The following AK7 variants were observed in gnomAD, a reference collection of about 807,000 sequenced individuals.
AK7 encodes ATP-AMP transphosphorylase 7.
In AK7, 78 loss-of-function variants were observed where a neutral mutation model predicts 96.6. The observed-to-expected ratio is 0.81, with a 90% confidence interval of 0.67 to 0.97. The LOEUF is 0.97. Among genes scored for constraint, AK7 ranks in the 50% least tolerant of loss-of-function variants. AK7 has a pLI of 0.00. For missense variants in AK7, 855 were observed against 887.9 expected (o/e 0.96, Z 0.47); for synonymous variants, 302 against 317.2 (o/e 0.95, Z 0.51).
At chr14:96,406,467 T>C (rs1344125938) in intron 3 of AK7, among the ~76,000 whole-genome samples, 4 of 152,200 alleles carry the variant, frequency 2.6e-5, no homozygotes, top group Non-Finnish European at 4.4e-5. Context: ...AAATTTTCCT[T>C]TTCTATTTAG....
In AK7 at chr14:96,398,273, G is replaced by C. The variant is rs769109512; in HGVS notation, c.294+10G>C. On this transcript the variant is annotated intron_variant, in intron 2 of 17. Coordinates refer to ENST00000267584, the MANE Select transcript of AK7 (RefSeq NM_152327.5). ...GGTGGAGACGTACTCTGTAAGTCCCGGAGGCTCTGGCCAGGAGTAGACAGA... is the reference window on the plus strand; with the variant it reads ...GGTGGAGACGTACTCTGTAAGTCCCCGAGGCTCTGGCCAGGAGTAGACAGA... The C allele has an allele frequency of 6.2e-7, 1 of 1,612,010 alleles. No individual in the cohort carries two copies. Among genetic ancestry groups the C allele is most frequent in the Non-Finnish European group, 8.5e-7 (1 of 1,179,796 alleles).
intron 5 of AK7, among the ~76,000 whole-genome samples, chr14:96,425,425 T>C (rs935610567): frequency 2.6e-5 from 4 of 151,824 alleles, no homozygotes; most frequent in African/African-American, 7.3e-5. Flanking sequence ...GTTGCCAAAA[T>C]AGTCCTGAAT....
chr14:96,464,048 T>C (rs900590301), intron 12 of AK7, among the ~76,000 whole-genome samples: 3 of 151,976 alleles, frequency 2.0e-5, no homozygotes, highest in Non-Finnish European at 4.4e-5. Flanking sequence ...AGGAAAAAAT[T>C]GAGGGTGAGC....
chr14:96,415,124 A>G (rs1004070449), intron 4 of AK7, among the ~76,000 whole-genome samples: 2 of 151,948 alleles, frequency 1.3e-5, no homozygotes, highest in Non-Finnish European at 2.9e-5. Flanking sequence ...AGCAAAGGCC[A>G]TGGGGAAGGG....
chr14:96,473,103 T>C (rs1014091092), intron 14 of AK7, among the ~76,000 whole-genome samples: 2 of 151,564 alleles, frequency 1.3e-5, no homozygotes, highest in African/African-American at 4.8e-5. Flanking sequence ...TGCTGTCTGA[T>C]ATCTCTCTCT....
At chr14:96,481,347 A>G (rs887391042) in intron 15 of AK7, among the ~76,000 whole-genome samples, 1 of 151,916 alleles carries the variant, frequency 6.6e-6, no homozygotes. Context: ...TTATTTATTT[A>G]TTTTATTTAT....
At chr14:96,407,868 C>T (rs1326059563) in intron 3 of AK7, among the ~76,000 whole-genome samples, 2 of 152,078 alleles carry the variant, frequency 1.3e-5, no homozygotes, top group East Asian at 3.9e-4. Flanking sequence ...CTTGAGCCAC[C>T]ACGCCCGGCC....
rs114948078 is a variant in AK7 at position 96,456,692 on chromosome 14, C to T, written c.1227+217C>T. On this transcript the variant is annotated intron_variant, in intron 11 of 17. Coordinates refer to ENST00000267584, the MANE Select transcript of AK7 (RefSeq NM_152327.5). ...AGAGTGTTGACCTTGGCCACACTGGCGTCAGAGAGCTTCTTCACAGCCTGT... is the reference window on the plus strand; with the variant it reads ...AGAGTGTTGACCTTGGCCACACTGGTGTCAGAGAGCTTCTTCACAGCCTGT... The T allele has an allele frequency of 8.1e-3, 3,181 of 394,154 alleles. 90 individuals are homozygous for T. Among genetic ancestry groups the T allele is most frequent in the African/African-American group, 0.058 (2,808 of 48,676 alleles). 24.4% of individuals were successfully genotyped at this position (394,154 alleles called of 1,614,324 possible).
chr14:96,450,125 A>C (rs1221798656), intron 9 of AK7, among the ~76,000 whole-genome samples: 1 of 152,026 alleles, frequency 6.6e-6, no homozygotes, highest in Non-Finnish European at 1.5e-5. Flanking sequence ...CTGGTCAGAA[A>C]ATGTATTTGG....
intron 2 of AK7, among the ~76,000 whole-genome samples, chr14:96,400,212 G>A (rs2139984842): frequency 1.3e-5 from 2 of 151,738 alleles, no homozygotes; most frequent in South Asian, 4.2e-4. Flanking sequence ...CTAATTTTTT[G>A]TATCTTTAGT....
intron 5 of AK7, among the ~76,000 whole-genome samples, chr14:96,435,664 A>G (rs1892595760): frequency 6.6e-6 from 1 of 152,134 alleles, no homozygotes; most frequent in Non-Finnish European, 1.5e-5. Flanking sequence ...TTGGAGACAC[A>G]GAGCGCTGTA....
At position 96,451,549 on chromosome 14, in the gene AK7, C is replaced by A; in HGVS notation, c.1077C>A (p.Tyr359Ter). Residue 359 changes from tyrosine (Y) to a stop codon, truncating the protein, a stop_gained, in exon 10 of 18, where the codon TAC becomes TAA. Transcript: ENST00000267584. LOFTEE classifies it high-confidence loss of function. ...VENINTILKE[Y>*]KQSRGLMPIK... ...ATATCAACACTATCCTCAAGGAGTA[C>A]AAGCAAAGCAGAGGATTGATGGTAA... 1.9e-6 allele frequency: 3 copies of A among 1,553,522 alleles called. No homozygotes were observed. Among genetic ancestry groups the A allele is most frequent in the South Asian group, 1.2e-5 (1 of 81,588 alleles).
chr14:96,479,125 G>A (rs1302165505), intron 15 of AK7, among the ~76,000 whole-genome samples: 1 of 151,590 alleles, frequency 6.6e-6, no homozygotes, highest in Non-Finnish European at 1.5e-5. Context: ...TGCCCAGGCT[G>A]GAGTGCAGTG....
intron 12 of AK7, among the ~76,000 whole-genome samples, chr14:96,466,969 A>T (rs1894601279): frequency 6.6e-6 from 1 of 152,068 alleles, no homozygotes; most frequent in African/African-American, 2.4e-5. Flanking sequence ...TGCATGCACA[A>T]TAAAAAATGT....
rs1312340548 is a variant in AK7 at position 96,487,439 on chromosome 14, T to C, written c.2133+383T>C. 5.4e-5 allele frequency among the ~76,000 whole-genome samples: 8 copies of C among 147,272 alleles called. No homozygotes were observed. The South Asian group carries it at 1.1e-3, about 20-fold the overall frequency. On this transcript the variant is annotated intron_variant, in intron 17 of 17. Coordinates refer to ENST00000267584, the MANE Select transcript of AK7 (RefSeq NM_152327.5). Reference sequence around the variant, plus strand: ...AAAAAAATCTGCCTGAATCTTTTTTTTTTTTTTTGAGACAGAGTCTCACTC... The same window carrying C: ...AAAAAAATCTGCCTGAATCTTTTTTCTTTTTTTTGAGACAGAGTCTCACTC...
At chr14:96,467,617 G>A (rs2140146707) in intron 12 of AK7, among the ~76,000 whole-genome samples, 1 of 152,300 alleles carries the variant, frequency 6.6e-6, no homozygotes, top group African/African-American at 2.4e-5. Context: ...TAGGATCATA[G>A]GCGTGAGCCA....
chr14:96,426,398 A>ATT (rs146439069), intron 5 of AK7, among the ~76,000 whole-genome samples: 23 of 151,914 alleles, frequency 1.5e-4, no homozygotes, highest in Admixed American at 1.2e-3. Context: ...TGTAGTTATT[A>ATT]TTTTTTTTGG....
At chr14:96,424,020 C>A in intron 5 of AK7, 1 of 772,290 alleles carries the variant, frequency 1.3e-6, no homozygotes, top group Non-Finnish European at 2.3e-6. Flanking sequence ...CTGTCAAGAC[C>A]CAGGTGTAGA....
chr14:96,424,194 C>T, intron 5 of AK7: 1 of 577,906 alleles, frequency 1.7e-6, no homozygotes, highest in Non-Finnish European at 3.2e-6. Flanking sequence ...GGGCCCGGAC[C>T]GCTGTCTGAG....
Sources: allele counts gnomAD v4.1 joint callset (sites outside exome capture counted in the v4.1 genomes callset), GRCh38; gene constraint gnomAD v4.1.1; transcripts MANE v1.5; gene names NCBI Gene and HGNC (gene_info 2026-07-23, HGNC 2026-07-21).